CSMD1: variants seen among roughly 807,000 people sequenced by gnomAD.
CSMD1 encodes CUB and sushi domain-containing protein 1.
A neutral mutation model predicts 417.5 loss-of-function variants in CSMD1; 213 were observed. That is an observed-to-expected ratio of 0.51 (90% confidence interval 0.46 to 0.57). CSMD1 has a LOEUF of 0.57. CSMD1 is among the 20% of genes least tolerant of loss of function. CSMD1 has a pLI of 0.00. For synonymous variants in CSMD1, 2,862 were observed against 1,736.8 expected (o/e 1.65, Z -16.11); for missense variants, 6,923 against 4,529.7 (o/e 1.53, Z -15.17).
intron 1 of CSMD1, among the ~76,000 whole-genome samples, chr8:4,973,838 C>G (rs190589879): frequency 1.3e-5 from 2 of 151,996 alleles, no homozygotes; most frequent in Admixed American, 1.3e-4. Flanking sequence ...ATAGGAAAAC[C>G]CATTATTCCT....
chr8:3,337,312 T>C (rs1475163629), intron 23 of CSMD1, among the ~76,000 whole-genome samples: 1 of 152,230 alleles, frequency 6.6e-6, no homozygotes, highest in Non-Finnish European at 1.5e-5. Context: ...ACTTTTTAAT[T>C]AAACCTTTTT....
rs538196806 is a variant in CSMD1 at position 3,369,007 on chromosome 8, C to T, written c.2899+247G>A. Reference sequence around the variant, plus strand: ...CTTACCACGATAGCTATATTTCAAGCTTATGTTCACATGCGTATATTCAGG... The same window carrying T: ...CTTACCACGATAGCTATATTTCAAGTTTATGTTCACATGCGTATATTCAGG... On this transcript the variant is annotated intron_variant, in intron 19 of 69. Transcript: ENST00000635120. Among the ~76,000 whole-genome samples the T allele has an allele frequency of 5.3e-5, 8 of 152,270 alleles. No individual in the cohort carries two copies. In the South Asian group the frequency reaches 1.7e-3, roughly 32 times the overall value.
At chr8:4,909,306 T>C (rs927342006) in intron 1 of CSMD1, among the ~76,000 whole-genome samples, 1 of 143,956 alleles carries the variant, frequency 6.9e-6, no homozygotes, top group Admixed American at 7.7e-5. Context: ...TCTGAGAATT[T>C]TCCCAGCAAA....
chr8:3,726,532 A>T (rs1410744594), intron 6 of CSMD1, among the ~76,000 whole-genome samples: 2 of 152,298 alleles, frequency 1.3e-5, no homozygotes, highest in East Asian at 3.9e-4. Context: ...TCTCTTGCAT[A>T]GTTTGGGTCC....
intron 12 of CSMD1, among the ~76,000 whole-genome samples, chr8:3,422,159 CTT>C (rs960598857): frequency 8.5e-5 from 13 of 152,288 alleles, no homozygotes; most frequent in African/African-American, 2.9e-4. Context: ...TGTTTCATTC[CTT>C]TGAAACTTAG....
chr8:4,313,737 C>A (rs183913532), intron 3 of CSMD1, among the ~76,000 whole-genome samples: 1 of 151,994 alleles, frequency 6.6e-6, no homozygotes, highest in Non-Finnish European at 1.5e-5. Context: ...AGAACTAGGC[C>A]GGGCACAGTG....
intron 1 of CSMD1, among the ~76,000 whole-genome samples, chr8:4,792,379 TTCCAGAGACA>T (rs1797739663): frequency 6.6e-6 from 1 of 152,230 alleles, no homozygotes; most frequent in Non-Finnish European, 1.5e-5. Flanking sequence ...CTAGTTTCAA[TTCCAGAGACA>T]TTTCGTCTTT....
Position 4,489,113 on chromosome 8 carries a change from T to C in CSMD1, c.303-69048A>G, listed in dbSNP as rs939771084. Among the ~76,000 whole-genome samples the C allele has an allele frequency of 1.0e-3, 157 of 152,262 alleles. 1 individual carries two copies. The highest frequency in any genetic ancestry group is 3.8e-3 in the African/African-American group (156 of 41,564). ...TTTTAGTAGAGACGGGGTTTCACCA[T>C]GTCGGCCAGGCTGGTCTCAAACTCC... On this transcript the variant is annotated intron_variant, in intron 2 of 69. Coordinates refer to ENST00000635120, the MANE Select transcript of CSMD1 (RefSeq NM_033225.6).
intron 25 of CSMD1, among the ~76,000 whole-genome samples, chr8:3,297,690 T>C (rs912570560): frequency 1.3e-5 from 2 of 152,192 alleles, no homozygotes; most frequent in South Asian, 4.1e-4. Flanking sequence ...GAAAGGTAAA[T>C]TAAGTTTTGT....
chr8:4,121,971 T>G (rs1445051419), intron 3 of CSMD1, among the ~76,000 whole-genome samples: 1 of 152,010 alleles, frequency 6.6e-6, no homozygotes, highest in Non-Finnish European at 1.5e-5. Context: ...TTAATAATGC[T>G]TATGTATAGA....
chr8:3,905,852 CTG>C (rs1335686945), intron 5 of CSMD1, among the ~76,000 whole-genome samples: 9 of 152,216 alleles, frequency 5.9e-5, no homozygotes, highest in African/African-American at 2.2e-4. Flanking sequence ...TCCTTCCGGA[CTG>C]TGGACCCAAT....
chr8:3,459,354 C>T (rs143380702), intron 12 of CSMD1, among the ~76,000 whole-genome samples: 67 of 152,246 alleles, frequency 4.4e-4, no homozygotes, highest in Non-Finnish European at 7.2e-4. Flanking sequence ...ACACAGCGGC[C>T]GTAATATGAC....
intron 11 of CSMD1, among the ~76,000 whole-genome samples, chr8:3,475,214 C>A (rs79506498): frequency 2.0e-5 from 3 of 152,140 alleles, no homozygotes; most frequent in Non-Finnish European, 2.9e-5. Flanking sequence ...TAGGTCATCA[C>A]AGAATCCTTC....
chr8:3,471,874 G>T (rs551260491), intron 11 of CSMD1, among the ~76,000 whole-genome samples: 1 of 152,228 alleles, frequency 6.6e-6, no homozygotes, highest in Admixed American at 6.5e-5. Flanking sequence ...GGGCATAGCC[G>T]TTAGTTTTTC....
chr8:3,653,537 G>A (rs1219274003), intron 7 of CSMD1, among the ~76,000 whole-genome samples: 1 of 152,176 alleles, frequency 6.6e-6, no homozygotes, highest in Non-Finnish European at 1.5e-5. Flanking sequence ...TCGAACTCCT[G>A]ACCTCAAGTA....
chr8:4,271,172 A>G (rs911915720), intron 3 of CSMD1, among the ~76,000 whole-genome samples: 5 of 152,100 alleles, frequency 3.3e-5, no homozygotes, highest in African/African-American at 1.2e-4. Context: ...TTTGCATTAC[A>G]TATGTTTTCA....
At chr8:3,181,273 A>T in intron 36 of CSMD1, 59 bp from the exon 37 acceptor site, 1 of 1,151,046 alleles carries the variant, frequency 8.7e-7, no homozygotes, top group Non-Finnish European at 1.3e-6. Context: ...TTTTCTAAAT[A>T]TAAAACATAT....
intron 3 of CSMD1, among the ~76,000 whole-genome samples, chr8:4,235,549 G>C (rs1214218421): frequency 6.6e-6 from 1 of 151,960 alleles, no homozygotes; most frequent in African/African-American, 2.4e-5. Context: ...AAAGTGCTCC[G>C]AATATTTTCT....
intron 3 of CSMD1, among the ~76,000 whole-genome samples, chr8:4,080,464 G>C (rs923713714): frequency 3.3e-5 from 5 of 152,166 alleles, no homozygotes; most frequent in African/African-American, 1.2e-4. Context: ...TGATCAATAA[G>C]GTTTTATTAA....
Sources: allele counts gnomAD v4.1 joint callset (sites outside exome capture counted in the v4.1 genomes callset), GRCh38; gene constraint gnomAD v4.1.1; transcripts MANE v1.5; gene names NCBI Gene and HGNC (gene_info 2026-07-23, HGNC 2026-07-21).